Variants in C3orf85 observed in about 807,000 individuals in gnomAD.
C3orf85 encodes chromosome 3 open reading frame 85, also known as uncharacterized protein C3orf85.
C3orf85 carries 1 observed loss-of-function variant against 1.7 expected under a neutral mutation model. The ratio of observed to expected loss-of-function variants is 0.60; its 90% CI spans 0.21 to 2.86. C3orf85 has a LOEUF of 2.86. Among genes scored for constraint, C3orf85 ranks in the 30% most tolerant of loss-of-function variants. The pLI is 0.22. For missense variants in C3orf85, 29 were observed against 21.3 expected (o/e 1.36, Z -0.72); for synonymous variants, 17 against 8.0 (o/e 2.13, Z -1.90).
At chr3:109,140,181 A>C (rs943842054) in intron 2 of C3orf85, among the ~76,000 whole-genome samples, 3 of 152,204 alleles carry the variant, frequency 2.0e-5, no homozygotes, top group Admixed American at 1.3e-4. Flanking sequence ...AAACTGGAAA[A>C]TAATTTGGCT....
In C3orf85 at chr3:109,147,529, G is replaced by A. The variant is rs545618350; in HGVS notation, c.50-724G>A. On this transcript the variant is annotated intron_variant, in intron 2 of 3. Transcript: ENST00000622536. Reference sequence around the variant, plus strand: ...GTATTGGTTCGTTATAATTCTGAACGCAATTGTGTTTTACTTGAGAATGAA... The same window carrying A: ...GTATTGGTTCGTTATAATTCTGAACACAATTGTGTTTTACTTGAGAATGAA... 3.3e-5 allele frequency among the ~76,000 whole-genome samples: 5 copies of A among 152,256 alleles called. No homozygotes were observed. The East Asian group carries it at 5.8e-4, about 18-fold the overall frequency.
chr3:109,136,882 C>A lies in C3orf85; in HGVS notation c.35C>A (p.Ser12Ter). The A allele has an allele frequency of 2.4e-6, 1 of 424,450 alleles. No individual in the cohort carries two copies. Among genetic ancestry groups the A allele is most frequent in the Non-Finnish European group, 4.2e-6 (1 of 236,966 alleles). The allele number at this position is 424,450 out of a possible 1,614,324, so 26.3% of individuals were successfully genotyped here. A position where few individuals can be genotyped will look rare whatever the true frequency, so the allele number is the denominator to read the frequency against. Residue 12 changes from serine to a stop codon, truncating the protein, a stop_gained, in exon 2 of 4, where the codon TCA becomes TAA. Transcript: ENST00000622536. LOFTEE classifies it high-confidence loss of function. Reference protein sequence around the residue: ...AYKMLQVVLCSTLLIGALGAP... With the variant: ...AYKMLQVVLC The stretch of plus-strand genomic sequence containing the variant: ...AAAATGCTTCAAGTAGTCCTGTGCT[C>A]AACATTGCTTATCGGTAAGAGCCTA...
chr3:109,144,042 G>A (rs1368082058), intron 2 of C3orf85, among the ~76,000 whole-genome samples: 1 of 152,046 alleles, frequency 6.6e-6, no homozygotes, highest in Non-Finnish European at 1.5e-5. Context: ...AAGAGAGAAG[G>A]ATATTTTTCA....
At chr3:109,141,840 G>A (rs1706746096) in intron 2 of C3orf85, among the ~76,000 whole-genome samples, 1 of 152,184 alleles carries the variant, frequency 6.6e-6, no homozygotes, top group East Asian at 1.9e-4. Flanking sequence ...GACCAGCCTG[G>A]CCAGAATGGC....
intron 2 of C3orf85, among the ~76,000 whole-genome samples, chr3:109,142,841 A>C (rs1706755891): frequency 6.6e-6 from 1 of 152,174 alleles, no homozygotes; most frequent in African/African-American, 2.4e-5. Context: ...GTTGAGAAAT[A>C]AAGAAATAAG....
intron 2 of C3orf85, among the ~76,000 whole-genome samples, chr3:109,143,691 A>G (rs780448082): frequency 6.6e-6 from 1 of 152,230 alleles, no homozygotes; most frequent in African/African-American, 2.4e-5. Flanking sequence ...TTCCAGATCA[A>G]AATATTAGAG....
rs991364041 is a variant in C3orf85 at position 109,150,565 on chromosome 3, C to T, written c.*671C>T. The T allele has an allele frequency of 6.6e-6, 1 of 152,146 alleles. No homozygotes were observed. The highest frequency in any genetic ancestry group is 1.5e-5 in the Non-Finnish European group (1 of 68,018). The allele number at this position is 152,146 out of a possible 1,614,324, so 9.4% of individuals were successfully genotyped here. ...TGATGTTTGTTTTAATGTGAAATAA[C>T]AGTTTTGACTCACTGGCCAGGCACA... is the stretch of plus-strand genomic sequence containing the variant. On this transcript the variant is annotated 3_prime_UTR_variant, in exon 4 of 4. Transcript: ENST00000622536.
At position 109,148,313 on chromosome 3, in the gene C3orf85, G is replaced by A. The variant is rs1350141072; in HGVS notation, c.110G>A (p.Arg37Lys). 2.8e-6 allele frequency: 2 copies of A among 702,748 alleles called. No individual in the cohort carries two copies. The highest frequency in any genetic ancestry group is 2.0e-5 in the Admixed American group (1 of 50,008). The allele number at this position is 702,748 out of a possible 1,614,324, so 43.5% of individuals were successfully genotyped here. A position where few individuals can be genotyped will look rare whatever the true frequency, so the allele number is the denominator to read the frequency against. The stretch of plus-strand genomic sequence containing the variant: ...GCAAACCAGTTCCTACGTCTCAAAA[G>A]ACATGTAAATTTGCAGGATTACTGG... ...DPANQFLRLK[R>K]HVNLQDYWDP... The change falls in exon 3 of 4, where the codon AGA (arginine) becomes AAA (lysine). Residue 37 changes from arginine to lysine, a missense_variant. Physicochemically the swap from Arg to Lys is conservative, Grantham distance 26. Coordinates refer to ENST00000622536, the MANE Select transcript of C3orf85 (RefSeq NM_001351622.2).
intron 2 of C3orf85, among the ~76,000 whole-genome samples, chr3:109,137,588 C>T (rs1178180020): frequency 2.1e-5 from 3 of 142,532 alleles, no homozygotes; most frequent in Admixed American, 7.2e-5. Context: ...TTCCTGAAGC[C>T]CTTCCCACAC....
rs1452958730 is a variant in C3orf85, at chr3:109,150,196, A to AC, written c.*302_*303insC. On this transcript the variant is annotated 3_prime_UTR_variant, in exon 4 of 4. Transcript: ENST00000622536. ...AAGGAAAGCAAAAACATAAACAAAG[A>AC]AAAGTAGTTTCATTAAACCACTCTG... is the stretch of plus-strand genomic sequence containing the variant. 2.1e-5 allele frequency: 4 copies of AC among 186,918 alleles called. No individual in the cohort carries two copies. The highest frequency in any genetic ancestry group is 4.4e-5 in the Non-Finnish European group (4 of 91,262). 11.6% of individuals were successfully genotyped at this position (186,918 alleles called of 1,614,324 possible).
At chr3:109,148,158 C>T (rs1706820663) in intron 2 of C3orf85, 95 bp from the exon 3 acceptor site, 1 of 618,920 alleles carries the variant, frequency 1.6e-6, no homozygotes, top group Non-Finnish European at 2.9e-6. Context: ...GGCCCCCAGC[C>T]TACCAAAGAT....
At chr3:109,139,841 T>C (rs527839756) in intron 2 of C3orf85, among the ~76,000 whole-genome samples, 1 of 152,304 alleles carries the variant, frequency 6.6e-6, no homozygotes, top group South Asian at 2.1e-4. Context: ...CTCTGGTAGT[T>C]CCACCTCTTA....
chr3:109,149,427 A>G (rs58722291), intron 3 of C3orf85: 2,665 of 155,876 alleles, frequency 0.017, 64 homozygotes, highest in African/African-American at 0.049. Context: ...TAGCATTATT[A>G]AAACAAGACA....
chr3:109,145,497 A>G (rs1706788802), intron 2 of C3orf85, among the ~76,000 whole-genome samples: 1 of 152,116 alleles, frequency 6.6e-6, no homozygotes, highest in South Asian at 2.1e-4. Flanking sequence ...GAGTTGTTTA[A>G]AGAGTGAGAG....
At chr3:109,142,840 TAAAG>T (rs1185912853) in intron 2 of C3orf85, among the ~76,000 whole-genome samples, 2 of 152,074 alleles carry the variant, frequency 1.3e-5, no homozygotes, top group East Asian at 3.9e-4. Flanking sequence ...AGTTGAGAAA[TAAAG>T]AAATAAGATT....
At chr3:109,141,922 G>C (rs1032971160) in intron 2 of C3orf85, among the ~76,000 whole-genome samples, 1 of 152,100 alleles carries the variant, frequency 6.6e-6, no homozygotes, top group Non-Finnish European at 1.5e-5. Context: ...CCAGCTACTC[G>C]GGAGGCTGAG....
intron 3 of C3orf85, 77 bp from the exon 4 acceptor site, chr3:109,149,728 T>C (rs1706847236): frequency 2.5e-6 from 1 of 396,962 alleles, no homozygotes; most frequent in Non-Finnish European, 4.4e-6. Context: ...GGAATATCTG[T>C]ATGATAATCA....
intron 2 of C3orf85, among the ~76,000 whole-genome samples, chr3:109,146,587 T>C (rs1411923092): frequency 6.6e-6 from 1 of 152,156 alleles, no homozygotes; most frequent in Non-Finnish European, 1.5e-5. Context: ...GATGGCTCGC[T>C]TACCTGGCTA....
intron 2 of C3orf85, among the ~76,000 whole-genome samples, chr3:109,144,238 A>G (rs1428092163): frequency 6.6e-6 from 1 of 152,156 alleles, no homozygotes; most frequent in East Asian, 1.9e-4. Flanking sequence ...TTCAAGGTTG[A>G]TCAGGCAGAA....
Sources: allele counts gnomAD v4.1 joint callset (sites outside exome capture counted in the v4.1 genomes callset), GRCh38; gene constraint gnomAD v4.1.1; transcripts MANE v1.5; gene names NCBI Gene and HGNC (gene_info 2026-07-23, HGNC 2026-07-21).